MIA3: variants seen among roughly 807,000 people sequenced by gnomAD.
The protein encoded by MIA3 is transport and Golgi organization protein 1 homolog.
In MIA3, 90 loss-of-function variants were observed where a neutral mutation model predicts 192.4. The ratio of observed to expected loss-of-function variants is 0.47; its 90% confidence interval spans 0.39 to 0.56. MIA3 has a LOEUF of 0.56. MIA3 is among the 20% of genes least tolerant of loss of function. MIA3 has a pLI of 0.00. For synonymous variants in MIA3, 740 were observed against 792.8 expected, an observed-to-expected ratio of 0.93 and a Z score of 1.12; for missense variants, 2,123 against 2,269.4, an observed-to-expected ratio of 0.94 and a Z score of 1.31.
chr1:222,628,169 G>C lies in MIA3; in HGVS notation c.949G>C (p.Glu317Gln). The change falls in exon 4 of 28, where the codon GAA (glutamate) becomes CAA (glutamine). Residue 317 changes from glutamate (E) to glutamine (Q), a missense_variant. Around this residue, in one of 3 missense-constraint regions of MIA3, gnomAD observed 1,357 missense variants for 1,396.1 expected, o/e 0.97. Transcript: ENST00000344922. ...TACTGAGTATTATGCAGTTGGAAAG[G>C]AAGATGAGGAGAACCAAGAAGACTT... is the stretch of plus-strand genomic sequence containing the variant. Reference protein sequence around the residue: ...LDTEYYAVGKEDEENQEDFDE... With the variant: ...LDTEYYAVGKQDEENQEDFDE... 1 of 1,614,000 alleles carries C rather than the reference G, an allele frequency of 6.2e-7. No homozygotes were observed. Among genetic ancestry groups the C allele is most frequent in the South Asian group, 1.1e-5 (1 of 91,088 alleles).
intron 6 of MIA3, among the ~76,000 whole-genome samples, chr1:222,638,766 G>C (rs1393984486): frequency 1.3e-5 from 2 of 151,826 alleles, no homozygotes; most frequent in Non-Finnish European, 2.9e-5. Flanking sequence ...TGTCGCCAAA[G>C]AACGAGTGGG....
intron 17 of MIA3, 58 bp from the exon 18 acceptor site, chr1:222,654,597 A>G (rs1294461199): frequency 1.9e-6 from 3 of 1,593,636 alleles, no homozygotes; most frequent in Non-Finnish European, 2.6e-6. Flanking sequence ...CCAGCCCCCA[A>G]CCAAGTTCTC....
intron 11 of MIA3, 40 bp downstream of exon 11, chr1:222,650,943 T>TTTGAACTCTTTTGTAGATTGAG: frequency 1.7e-6 from 2 of 1,166,120 alleles, no homozygotes; most frequent in South Asian, 1.3e-5. Context: ...TAATTTGGGT[T>TTTGAACTCTTTTGTAGATTGAG]TTGAACTCTT....
Position 222,628,965 on chromosome 1 carries a change from T to C in MIA3, c.1745T>C (p.Leu582Pro). Residue 582 changes from leucine to proline, a missense_variant, in exon 4 of 28, where the codon CTC (leucine) becomes CCC (proline). Coordinates refer to ENST00000344922, the MANE Select transcript of MIA3 (RefSeq NM_198551.4). ...CAGGAATCCCTGGGTAGTGCACCAC[T>C]CATGGGAGATGACCACCCTAACGCA... is the stretch of plus-strand genomic sequence containing the variant. ...IQQESLGSAPLMGDDHPNASR... is the reference protein window; with the variant it reads ...IQQESLGSAPPMGDDHPNASR... 6.2e-7 allele frequency: 1 copy of C among 1,614,114 alleles called. No homozygotes were observed. The highest frequency in any genetic ancestry group is 8.5e-7 in the Non-Finnish European group (1 of 1,180,006).
At chr1:222,632,365 C>T in intron 5 of MIA3, 39 bp downstream of exon 5, 1 of 1,557,664 alleles carries the variant, frequency 6.4e-7, no homozygotes, top group Non-Finnish European at 8.8e-7. Flanking sequence ...GTGGAGAAAT[C>T]ATAAAGAAGG....
chr1:222,665,521 G>GT lies in MIA3; in HGVS notation c.5627dup (p.Arg1877LysfsTer9). 6.2e-7 allele frequency: 1 copy of GT among 1,614,060 alleles called. No homozygotes were observed. The highest frequency in any genetic ancestry group is 8.5e-7 in the Non-Finnish European group (1 of 1,179,982). The stretch of plus-strand genomic sequence containing the variant: ...CCAGGAATACCCACCACCACCTGCT[G>GT]TAAGAGACTTACTGCCGTCAGGCTC... On this transcript the variant is annotated frameshift_variant, in exon 28 of 28. Transcript: ENST00000344922. LOFTEE classifies it low-confidence loss of function (END_TRUNC).
chr1:222,655,581 T>C (rs1285432386), intron 18 of MIA3, among the ~76,000 whole-genome samples: 2 of 152,266 alleles, frequency 1.3e-5, no homozygotes, highest in Non-Finnish European at 2.9e-5. Context: ...CCATTAAATA[T>C]TGAAACCATA....
At chr1:222,649,081 A>T (rs1312731315) in intron 8 of MIA3, among the ~76,000 whole-genome samples, 1 of 152,234 alleles carries the variant, frequency 6.6e-6, no homozygotes, top group Non-Finnish European at 1.5e-5. Context: ...AAGATCATTA[A>T]TTTGGGGCAG....
intron 6 of MIA3, among the ~76,000 whole-genome samples, chr1:222,634,315 T>C (rs1283851307): frequency 6.6e-6 from 1 of 151,920 alleles, no homozygotes; most frequent in Non-Finnish European, 1.5e-5. Context: ...AGCAAGACCC[T>C]GCCTCAGAAA....
At position 222,629,138 on chromosome 1, in the gene MIA3, T is replaced by A; in HGVS notation, c.1918T>A (p.Leu640Met). ...PRFSSPDEIDLPRELEDEVPI... is the reference protein window; with the variant it reads ...PRFSSPDEIDMPRELEDEVPI... ...ATTCTCCTCTCCAGATGAGATTGAT[T>A]TGCCCAGAGAACTGGAAGACGAGGT... The change falls in exon 4 of 28, where the codon TTG becomes ATG. Residue 640 changes from leucine (L) to methionine (M), a missense_variant. Around this residue, in one of 3 missense-constraint regions of MIA3, gnomAD observed 1,357 missense variants for 1,396.1 expected, o/e 0.97. Transcript: ENST00000344922. 6.2e-7 allele frequency: 1 copy of A among 1,614,214 alleles called. No homozygotes were observed. The highest frequency in any genetic ancestry group is 1.3e-5 in the African/African-American group (1 of 75,044).
rs1664347492 is a variant in MIA3, at chr1:222,667,617, G to A, written c.*1998G>A. On this transcript the variant is annotated 3_prime_UTR_variant, in exon 28 of 28. Transcript: ENST00000344922. ...GTGTAGCTTCTCTGAGAAGTTGTGAGCCAGTCCATAACTGCTTCCTCACAT... is the reference window on the plus strand; with the variant it reads ...GTGTAGCTTCTCTGAGAAGTTGTGAACCAGTCCATAACTGCTTCCTCACAT... 6.6e-6 allele frequency: 1 copy of A among 152,138 alleles called. No homozygotes were observed. Among genetic ancestry groups the A allele is most frequent in the Non-Finnish European group, 1.5e-5 (1 of 68,020 alleles). The allele number at this position is 152,138 out of a possible 1,614,324, so 9.4% of individuals were successfully genotyped here.
At chr1:222,653,380 C>A in intron 15 of MIA3, 41 bp downstream of exon 15, 1 of 1,391,260 alleles carries the variant, frequency 7.2e-7, no homozygotes, top group Non-Finnish European at 1.0e-6. Context: ...TTTTGCCTTC[C>A]TGTCTTTAAG....
intron 6 of MIA3, chr1:222,644,408 C>T (rs944569087): frequency 2.6e-6 from 4 of 1,541,550 alleles, no homozygotes; most frequent in Non-Finnish European, 3.5e-6. Context: ...GAGGAGGAAG[C>T]TCTGAAAAAC....
At chr1:222,662,462 C>A in intron 26 of MIA3, 130 bp downstream of exon 26, 1 of 1,519,234 alleles carries the variant, frequency 6.6e-7, no homozygotes, top group Non-Finnish European at 8.8e-7. Flanking sequence ...AAAAAGCAAA[C>A]TGTTCTCCAA....
chr1:222,653,946 A>G (rs990832656), intron 15 of MIA3, among the ~76,000 whole-genome samples: 13 of 152,200 alleles, frequency 8.5e-5, no homozygotes, highest in African/African-American at 2.7e-4. Context: ...CTGGAGGAGA[A>G]TAGGAGGGAA....
intron 22 of MIA3, 51 bp from the exon 23 acceptor site, chr1:222,659,855 T>C: frequency 8.7e-6 from 14 of 1,606,202 alleles, no homozygotes; most frequent in Non-Finnish European, 1.2e-5. Flanking sequence ...AAGGAATTGG[T>C]TTCTATTTCA....
chr1:222,630,861 ACTCC>A (rs1473356359), intron 4 of MIA3, among the ~76,000 whole-genome samples: 6 of 151,906 alleles, frequency 3.9e-5, no homozygotes, highest in Non-Finnish European at 8.8e-5. Flanking sequence ...GGGAGCACTT[ACTCC>A]AGTTAAACCC....
In MIA3 at chr1:222,629,553, G is replaced by T; in HGVS notation, c.2333G>T (p.Ser778Ile). 1 of 1,613,950 alleles carries T rather than the reference G, an allele frequency of 6.2e-7. No homozygotes were observed. The highest frequency in any genetic ancestry group is 8.5e-7 in the Non-Finnish European group (1 of 1,179,974). The change falls in exon 4 of 28, where the codon AGC becomes ATC. Residue 778 changes from serine to isoleucine, a missense_variant. This residue lies in a region of MIA3 where 1,357 missense variants were observed against 1,396.1 expected (regional missense o/e 0.97). Transcript: ENST00000344922. ...CATCCAGATCCAGAAATTGAAGAAA[G>T]CAAGCAAGAAACTAGTATGATTTTG... Reference protein sequence around the residue: ...TIHPDPEIEESKQETSMILDS... With the variant: ...TIHPDPEIEEIKQETSMILDS...
intron 7 of MIA3, among the ~76,000 whole-genome samples, chr1:222,647,273 G>A (rs1663193052): frequency 6.6e-6 from 1 of 152,098 alleles, no homozygotes; most frequent in Non-Finnish European, 1.5e-5. Context: ...ACATCCTTAT[G>A]ATTATACTAT....
Sources: gnomAD v4.1 joint callset for allele counts (sites outside exome capture counted in the v4.1 genomes callset) on GRCh38, gnomAD v4.1.1 for gene constraint, gnomAD v4.1.1 regional missense constraint, MANE v1.5 for transcripts, NCBI Gene and HGNC (gene_info 2026-07-23, HGNC 2026-07-21) for gene names.